Variants in CDKN2AIP observed in about 807,000 individuals in gnomAD.
CDKN2AIP encodes CDKN2A interacting protein, also known as CDKN2A-interacting protein.
CDKN2AIP carries 12 observed loss-of-function variants against 44.1 expected under a neutral mutation model. The ratio of observed to expected loss-of-function variants is 0.27; its 90% CI spans 0.17 to 0.44. The LOEUF is 0.44. CDKN2AIP is among the 20% of genes least tolerant of loss of function. The pLI, the probability that CDKN2AIP is intolerant of heterozygous loss-of-function variation, is 1.00. For missense variants in CDKN2AIP, 705 were observed against 681.6 expected, an observed-to-expected ratio of 1.03 and a Z score of -0.38; for synonymous variants, 291 against 272.1, an observed-to-expected ratio of 1.07 and a Z score of -0.68.
chr4:183,445,349 T>A (rs751088108), intron 1 of CDKN2AIP, 186 bp from the exon 2 acceptor site: 1 of 622,824 alleles, frequency 1.6e-6, no homozygotes, highest in Non-Finnish European at 2.8e-6. Context: ...GATTTAAGAT[T>A]AGTGAGGAGG....
chr4:183,446,814 C>G lies in CDKN2AIP; in HGVS notation c.1130C>G (p.Ser377Cys), dbSNP rs781511940. 6.2e-7 allele frequency: 1 copy of G among 1,614,194 alleles called. No homozygotes were observed. Among genetic ancestry groups the G allele is most frequent in the Admixed American group, 1.7e-5 (1 of 60,032 alleles). ...TCACTACTAGCTTCCAAGAGCAGCT[C>G]CCAGACCAGTGGATCTCTGGTTTCC... The part of the protein sequence containing the change: ...AASLLASKSS[S>C]QTSGSLVSKS... Residue 377 changes from serine to cysteine, a missense_variant, in exon 3 of 3, where the codon TCC (serine) becomes TGC (cysteine). Physicochemically the swap from Ser to Cys is moderately radical, Grantham distance 112. Transcript: ENST00000504169.
intron 1 of CDKN2AIP, 31 bp from the exon 2 acceptor site, chr4:183,445,503 CT>C: frequency 6.3e-7 from 1 of 1,588,402 alleles, no homozygotes; most frequent in Non-Finnish European, 8.6e-7. Flanking sequence ...AGAAAAAACA[CT>C]TTTTAAAAAT....
In CDKN2AIP at chr4:183,447,691, A is replaced by G. The variant is rs1004408178; in HGVS notation, c.*264A>G. 4 of 265,910 alleles carry G rather than the reference A, an allele frequency of 1.5e-5. No homozygotes were observed. The highest frequency in any genetic ancestry group is 2.8e-5 in the Non-Finnish European group (4 of 141,466). 16.5% of individuals were successfully genotyped at this position (265,910 alleles called of 1,614,324 possible). A position where few individuals can be genotyped will look rare whatever the true frequency, so the allele number is the denominator to read the frequency against. Reference sequence around the variant, plus strand: ...TACTGTCTTCTATTTTTAATGATACATTAGGTACGATGTGTAGTTCGGTAG... The same window carrying G: ...TACTGTCTTCTATTTTTAATGATACGTTAGGTACGATGTGTAGTTCGGTAG... On this transcript the variant is annotated 3_prime_UTR_variant, in exon 3 of 3. Transcript: ENST00000504169.
chr4:183,448,248 C>G lies in CDKN2AIP; in HGVS notation c.*821C>G, dbSNP rs1375543002. The G allele has an allele frequency of 6.6e-6, 1 of 151,988 alleles. No individual in the cohort carries two copies. Among genetic ancestry groups the G allele is most frequent in the African/African-American group, 2.4e-5 (1 of 41,382 alleles). The allele number at this position is 151,988 out of a possible 1,614,324, so 9.4% of individuals were successfully genotyped here. A position where few individuals can be genotyped will look rare whatever the true frequency, so the allele number is the denominator to read the frequency against. ...GAACCAATTCCTGCAAATAGGCTTC[C>G]CATGACTTGTCATTATAAATTAGAC... On this transcript the variant is annotated 3_prime_UTR_variant, in exon 3 of 3. Transcript: ENST00000504169.
At position 183,446,816 on chromosome 4, in the gene CDKN2AIP, C is replaced by G; in HGVS notation, c.1132C>G (p.Gln378Glu). 1 of 1,614,188 alleles carries G rather than the reference C, an allele frequency of 6.2e-7. No individual in the cohort carries two copies. Among genetic ancestry groups the G allele is most frequent in the Non-Finnish European group, 8.5e-7 (1 of 1,180,028 alleles). ...ACTACTAGCTTCCAAGAGCAGCTCCCAGACCAGTGGATCTCTGGTTTCCAA... is the reference window on the plus strand; with the variant it reads ...ACTACTAGCTTCCAAGAGCAGCTCCGAGACCAGTGGATCTCTGGTTTCCAA... Reference protein sequence around the residue: ...ASLLASKSSSQTSGSLVSKST... With the variant: ...ASLLASKSSSETSGSLVSKST... The change falls in exon 3 of 3, where the codon CAG becomes GAG. Residue 378 changes from glutamine (Q) to glutamate (E), a missense_variant. This residue lies in a region of CDKN2AIP where 592 missense variants were observed against 518.0 expected (regional missense o/e 1.14). Transcript: ENST00000504169.
chr4:183,444,691 G>A lies in CDKN2AIP; in HGVS notation c.-107G>A, dbSNP rs1232060584. On this transcript the variant is annotated 5_prime_UTR_variant, in exon 1 of 3. Transcript: ENST00000504169. ...TGTTTGGTCTTTAGGCCTGCGGAGG[G>A]GCGTTATCTGGAGGGCCGCGGGTGC... 6 of 1,145,314 alleles carry A rather than the reference G, an allele frequency of 5.2e-6. No individual in the cohort carries two copies. The highest frequency in any genetic ancestry group is 1.6e-5 in the African/African-American group (1 of 62,170). The allele number at this position is 1,145,314 out of a possible 1,614,324, so 70.9% of individuals were successfully genotyped here.
Position 183,444,693 on chromosome 4 carries a change from C to T in CDKN2AIP, c.-105C>T, listed in dbSNP as rs568654617. 182 of 1,156,716 alleles carry T rather than the reference C, an allele frequency of 1.6e-4. No individual in the cohort carries two copies. In the African/African-American group the frequency reaches 2.5e-3, roughly 16 times the overall value. The allele number at this position is 1,156,716 out of a possible 1,614,324, so 71.7% of individuals were successfully genotyped here. ...TTTGGTCTTTAGGCCTGCGGAGGGG[C>T]GTTATCTGGAGGGCCGCGGGTGCAG... is the stretch of plus-strand genomic sequence containing the variant. On this transcript the variant is annotated 5_prime_UTR_variant, in exon 1 of 3. Coordinates refer to ENST00000504169, the MANE Select transcript of CDKN2AIP (RefSeq NM_017632.4).
In CDKN2AIP at chr4:183,446,717, C is replaced by T. The variant is rs779438038; in HGVS notation, c.1033C>T (p.Leu345=). Residue 345 remains leucine (L), a synonymous_variant, in exon 3 of 3, where the codon CTG becomes TTG. Transcript: ENST00000504169. ...CAGTTCCTCATCAGGCACATCCTTA[C>T]TGACTCCCAAGAGCAGCTCTTCAAC... The part of the protein sequence containing the change: ...KNSSSSGTSL[L]TPKSSSSTNT... 5.0e-5 allele frequency: 80 copies of T among 1,614,202 alleles called. No homozygotes were observed. The highest frequency in any genetic ancestry group is 6.8e-5 in the Non-Finnish European group (80 of 1,180,004).
chr4:183,447,056 A>G lies in CDKN2AIP; in HGVS notation c.1372A>G (p.Ser458Gly). 1 of 1,614,096 alleles carries G rather than the reference A, an allele frequency of 6.2e-7. No homozygotes were observed. The highest frequency in any genetic ancestry group is 8.5e-7 in the Non-Finnish European group (1 of 1,179,952). ...GAAGTTGGTAGCTGTTGGTGGCTTTAGTCCCAATGTGAATCATGGAGAGCT... is the reference window on the plus strand; with the variant it reads ...GAAGTTGGTAGCTGTTGGTGGCTTTGGTCCCAATGTGAATCATGGAGAGCT... ...AWKLVAVGGF[S>G]PNVNHGELLN... Residue 458 changes from serine to glycine, a missense_variant, in exon 3 of 3, where the codon AGT becomes GGT. Around this residue, in one of 2 missense-constraint regions of CDKN2AIP, gnomAD observed 113 missense variants for 163.6 expected, o/e 0.69. Coordinates refer to ENST00000504169, the MANE Select transcript of CDKN2AIP (RefSeq NM_017632.4).
intron 2 of CDKN2AIP, 42 bp downstream of exon 2, chr4:183,445,707 C>T: frequency 6.6e-7 from 1 of 1,515,918 alleles, no homozygotes; most frequent in Non-Finnish European, 9.1e-7. Flanking sequence ...GAGTTTAGAG[C>T]ATAAGTTTGA....
Position 183,447,397 on chromosome 4 carries a change from A to G in CDKN2AIP, c.1713A>G (p.Pro571=), listed in dbSNP as rs539604339. Residue 571 remains proline, a synonymous_variant, in exon 3 of 3, where the codon CCA becomes CCG. Coordinates refer to ENST00000504169, the MANE Select transcript of CDKN2AIP (RefSeq NM_017632.4). ...AATCGAGGCCTGTAAACTTACCTCC[A>G]GCACTAAAACATCCTCAAGAATTAC... ...DEESRPVNLP[P]ALKHPQELL The G allele has an allele frequency of 1.9e-6, 3 of 1,546,082 alleles. No homozygotes were observed. The highest frequency in any genetic ancestry group is 2.2e-5 in the East Asian group (1 of 44,524).
At position 183,447,998 on chromosome 4, in the gene CDKN2AIP, A is replaced by T. The variant is rs1733718934; in HGVS notation, c.*571A>T. ...TAAAGTACTTGTTATTTTACTCTGA[A>T]GTTGTTTAAAATTCACCATGACTTT... On this transcript the variant is annotated 3_prime_UTR_variant, in exon 3 of 3. Coordinates refer to ENST00000504169, the MANE Select transcript of CDKN2AIP (RefSeq NM_017632.4). 6.6e-6 allele frequency: 1 copy of T among 152,196 alleles called. No homozygotes were observed. Among genetic ancestry groups the T allele is most frequent in the South Asian group, 2.1e-4 (1 of 4,836 alleles). The allele number at this position is 152,196 out of a possible 1,614,324, so 9.4% of individuals were successfully genotyped here. A position where few individuals can be genotyped will look rare whatever the true frequency, so the allele number is the denominator to read the frequency against.
chr4:183,445,812 A>G (rs971111270), intron 2 of CDKN2AIP, 147 bp downstream of exon 2: 23 of 694,870 alleles, frequency 3.3e-5, no homozygotes, highest in East Asian at 8.1e-5. Context: ...CCTAAAGTAT[A>G]TATCTGTGTC....
Position 183,445,006 on chromosome 4 carries a change from G to A in CDKN2AIP, c.209G>A (p.Arg70Gln), listed in dbSNP as rs1299117952. ...AADAESGTRN[R>Q]QLQQLISFSM... is the part of the protein sequence containing the mutation. Reference sequence around the variant, plus strand: ...GACGCCGAGAGCGGGACCCGAAACCGGCAGCTGCAGCAGCTCATCTCCTTT... The same window carrying A: ...GACGCCGAGAGCGGGACCCGAAACCAGCAGCTGCAGCAGCTCATCTCCTTT... Residue 70 changes from arginine to glutamine, a missense_variant, in exon 1 of 3, where the codon CGG becomes CAG. Physicochemically the swap from Arg to Gln is conservative, Grantham distance 43. This residue lies in a region of CDKN2AIP where 592 missense variants were observed against 518.0 expected (regional missense o/e 1.14). Transcript: ENST00000504169. 1 of 1,607,354 alleles carries A rather than the reference G, an allele frequency of 6.2e-7. No homozygotes were observed. The highest frequency in any genetic ancestry group is 8.5e-7 in the Non-Finnish European group (1 of 1,175,584).
intron 2 of CDKN2AIP, 53 bp downstream of exon 2, chr4:183,445,718 T>C: frequency 2.8e-6 from 4 of 1,447,846 alleles, no homozygotes; most frequent in Non-Finnish European, 3.8e-6. Context: ...ATAAGTTTGA[T>C]ATAATTAGGA....
chr4:183,444,663 T>A lies in CDKN2AIP; in HGVS notation c.-135T>A, dbSNP rs1733617149. ...TGGGCGGTTCGGCGGCTCTGGGCGCTGTTGTTTGGTCTTTAGGCCTGCGGA... is the reference window on the plus strand; with the variant it reads ...TGGGCGGTTCGGCGGCTCTGGGCGCAGTTGTTTGGTCTTTAGGCCTGCGGA... On this transcript the variant is annotated 5_prime_UTR_variant, in exon 1 of 3. Transcript: ENST00000504169. 1.6e-5 allele frequency: 13 copies of A among 805,708 alleles called. No homozygotes were observed. The highest frequency in any genetic ancestry group is 6.6e-5 in the South Asian group (3 of 45,114). The allele number at this position is 805,708 out of a possible 1,614,324, so 49.9% of individuals were successfully genotyped here. A position where few individuals can be genotyped will look rare whatever the true frequency, so the allele number is the denominator to read the frequency against.
intron 1 of CDKN2AIP, 143 bp from the exon 2 acceptor site, chr4:183,445,392 T>A: frequency 1.9e-5 from 13 of 693,826 alleles, no homozygotes; most frequent in Non-Finnish European, 3.2e-5. Context: ...GGCACTTGTT[T>A]ATGGGGTTCC....
chr4:183,446,741 A>G lies in CDKN2AIP; in HGVS notation c.1057A>G (p.Thr353Ala). The change falls in exon 3 of 3, where the codon ACA becomes GCA. Residue 353 changes from threonine (T) to alanine (A), a missense_variant. Around this residue, in one of 2 missense-constraint regions of CDKN2AIP, gnomAD observed 592 missense variants for 518.0 expected, o/e 1.14. Transcript: ENST00000504169. ...SLLTPKSSSS[T>A]NTSLLTSKST... ...ACTGACTCCCAAGAGCAGCTCTTCA[A>G]CAAATACATCGCTGCTAACTTCCAA... 6.2e-7 allele frequency: 1 copy of G among 1,614,114 alleles called. No homozygotes were observed. The highest frequency in any genetic ancestry group is 8.5e-7 in the Non-Finnish European group (1 of 1,179,934).
intron 2 of CDKN2AIP, 54 bp downstream of exon 2, chr4:183,445,719 ATAATT>A (rs750140199): frequency 4.9e-6 from 7 of 1,426,896 alleles, no homozygotes; most frequent in Non-Finnish European, 5.8e-6. Context: ...TAAGTTTGAT[ATAATT>A]AGGAATTATT....
Sources: gnomAD v4.1 joint callset for allele counts on GRCh38, gnomAD v4.1.1 for gene constraint, gnomAD v4.1.1 regional missense constraint, MANE v1.5 for transcripts, NCBI Gene and HGNC (gene_info 2026-07-23, HGNC 2026-07-21) for gene names.